Variants in ZDHHC14 observed in about 807,000 individuals in gnomAD.
ZDHHC14 encodes zDHHC palmitoyltransferase 14.
A neutral mutation model predicts 47.7 loss-of-function variants in ZDHHC14; 16 were observed. The ratio of observed to expected loss-of-function variants is 0.34; its 90% CI spans 0.23 to 0.51. The LOEUF is 0.51. Among genes scored for constraint, ZDHHC14 ranks in the 20% least tolerant of loss-of-function variants. ZDHHC14 has a pLI of 0.97. For missense variants in ZDHHC14, 515 were observed against 662.5 expected (o/e 0.78, Z 2.44); for synonymous variants, 293 against 278.9 (o/e 1.05, Z -0.50).
intron 4 of ZDHHC14, 77 bp from the exon 5 acceptor site, chr6:157,632,757 T>C: frequency 1.5e-6 from 2 of 1,320,492 alleles, no homozygotes; most frequent in Non-Finnish European, 2.2e-6. Flanking sequence ...CCATCTATTA[T>C]TTTTTTGTAG....
chr6:157,613,562 C>T (rs1784835650), intron 3 of ZDHHC14, among the ~76,000 whole-genome samples: 1 of 152,134 alleles, frequency 6.6e-6, no homozygotes, highest in Non-Finnish European at 1.5e-5. Context: ...CCTCCGGGAC[C>T]CTGGGGATGG....
At chr6:157,636,170 C>G (rs1776963536) in intron 5 of ZDHHC14, among the ~76,000 whole-genome samples, 1 of 151,160 alleles carries the variant, frequency 6.6e-6, no homozygotes, top group Admixed American at 6.6e-5. Flanking sequence ...ACACACATCC[C>G]TCATCGCACA....
intron 2 of ZDHHC14, among the ~76,000 whole-genome samples, chr6:157,556,708 C>T (rs2114833099): frequency 7.3e-6 from 1 of 136,864 alleles, no homozygotes; most frequent in Admixed American, 6.9e-5. Context: ...CAGCTCAGAG[C>T]CGAGGCCCCG....
chr6:157,535,145 C>T (rs1781499822), intron 1 of ZDHHC14, among the ~76,000 whole-genome samples: 2 of 152,108 alleles, frequency 1.3e-5, no homozygotes. Flanking sequence ...GTTTGGGCCC[C>T]ACGGGCAGAA....
At chr6:157,472,109 A>G (rs1779368221) in intron 1 of ZDHHC14, among the ~76,000 whole-genome samples, 1 of 152,088 alleles carries the variant, frequency 6.6e-6, no homozygotes, top group African/African-American at 2.4e-5. Flanking sequence ...GAGCTGAGGA[A>G]GGGTCGGGGT....
chr6:157,407,567 C>A (rs949757717), intron 1 of ZDHHC14, among the ~76,000 whole-genome samples: 1 of 152,162 alleles, frequency 6.6e-6, no homozygotes, highest in African/African-American at 2.4e-5. Flanking sequence ...CTGCCCAAAC[C>A]AAGGCACTTT....
chr6:157,462,560 G>C (rs1004331259), intron 1 of ZDHHC14, among the ~76,000 whole-genome samples: 12 of 152,216 alleles, frequency 7.9e-5, no homozygotes, highest in Non-Finnish European at 1.3e-4. Flanking sequence ...GAGGACTTTT[G>C]GGTTAGGCAA....
intron 2 of ZDHHC14, among the ~76,000 whole-genome samples, chr6:157,569,264 A>G (rs890991043): frequency 2.5e-4 from 38 of 151,984 alleles, no homozygotes; most frequent in African/African-American, 8.9e-4. Context: ...ACATATTATA[A>G]TTTTTTACAT....
In ZDHHC14 at chr6:157,406,545, T is replaced by G. The variant is rs534200803; in HGVS notation, c.245+24279T>G. ...TTAAGCCAGGGGTTCCCCAGCAGGG[T>G]TCTGACTGCTCCATTGCTAACTTAT... On this transcript the variant is annotated intron_variant, in intron 1 of 8. Transcript: ENST00000359775. Among the ~76,000 whole-genome samples the G allele has an allele frequency of 4.6e-5, 7 of 152,310 alleles. No homozygotes were observed. In the South Asian group the frequency reaches 1.0e-3, roughly 23 times the overall value.
At chr6:157,658,222 T>C (rs189238544) in intron 8 of ZDHHC14, among the ~76,000 whole-genome samples, 27 of 152,038 alleles carry the variant, frequency 1.8e-4, no homozygotes, top group Admixed American at 1.8e-3. Context: ...GAGCTCCCAT[T>C]CTGGCTCCTG....
At chr6:157,627,551 C>T (rs546098020) in intron 3 of ZDHHC14, among the ~76,000 whole-genome samples, 3 of 152,226 alleles carry the variant, frequency 2.0e-5, no homozygotes. Context: ...AGGTGAGAGG[C>T]CTGGGGTCTG....
chr6:157,395,515 G>A (rs967524782), intron 1 of ZDHHC14, among the ~76,000 whole-genome samples: 12 of 151,836 alleles, frequency 7.9e-5, no homozygotes, highest in Non-Finnish European at 8.8e-5. Context: ...CCCAAGTTCC[G>A]CCGGGCGCGG....
intron 8 of ZDHHC14, among the ~76,000 whole-genome samples, chr6:157,653,834 TG>T (rs1396259955): frequency 6.6e-6 from 1 of 152,194 alleles, no homozygotes; most frequent in African/African-American, 2.4e-5. Context: ...GAGTTTGGTG[TG>T]CTTGTTCACA....
At chr6:157,409,315 C>T (rs1257582331) in intron 1 of ZDHHC14, among the ~76,000 whole-genome samples, 1 of 152,184 alleles carries the variant, frequency 6.6e-6, no homozygotes, top group Admixed American at 6.5e-5. Context: ...CAGGTGGGCC[C>T]TCTGTTTCAT....
chr6:157,617,226 C>T (rs552020733), intron 3 of ZDHHC14, among the ~76,000 whole-genome samples: 3 of 152,156 alleles, frequency 2.0e-5, no homozygotes, highest in East Asian at 3.9e-4. Flanking sequence ...GTACACAGTA[C>T]GGTGGTACAT....
At chr6:157,552,554 A>G (rs1383952054) in intron 2 of ZDHHC14, among the ~76,000 whole-genome samples, 1 of 152,188 alleles carries the variant, frequency 6.6e-6, no homozygotes, top group Non-Finnish European at 1.5e-5. Context: ...GCTCAGGAAC[A>G]AAAGGAAGCA....
chr6:157,577,190 G>C (rs1456604629), intron 2 of ZDHHC14, among the ~76,000 whole-genome samples: 1 of 152,136 alleles, frequency 6.6e-6, no homozygotes, highest in African/African-American at 2.4e-5. Context: ...CAGTGAACAT[G>C]ATTTCATTCT....
intron 3 of ZDHHC14, among the ~76,000 whole-genome samples, chr6:157,593,924 G>A (rs1784017281): frequency 6.6e-6 from 1 of 152,222 alleles, no homozygotes; most frequent in African/African-American, 2.4e-5. Flanking sequence ...TGACAGGAAG[G>A]GAAGCAAGGA....
intron 1 of ZDHHC14, among the ~76,000 whole-genome samples, chr6:157,524,399 G>T (rs1309183986): frequency 6.6e-6 from 1 of 152,002 alleles, no homozygotes; most frequent in Non-Finnish European, 1.5e-5. Flanking sequence ...CTCCCAAAGT[G>T]CTGGGATTAT....
Sources: allele counts gnomAD v4.1 joint callset (sites outside exome capture counted in the v4.1 genomes callset), GRCh38; gene constraint gnomAD v4.1.1; transcripts MANE v1.5; gene names NCBI Gene and HGNC (gene_info 2026-07-23, HGNC 2026-07-21).